Variants in DMXL1 observed in about 807,000 individuals in gnomAD.
DMXL1 encodes dmX-like protein 1.
DMXL1 carries 99 observed loss-of-function variants against 319.2 expected under a neutral mutation model. The ratio of observed to expected loss-of-function variants is 0.31; its 90% CI spans 0.26 to 0.37. The LOEUF is 0.37. Ranked by LOEUF, DMXL1 falls within the 10% of genes least tolerant of loss-of-function variation. The pLI, the probability that DMXL1 is intolerant of heterozygous loss-of-function variation, is 1.00. For missense variants in DMXL1, 3,745 were observed against 3,595.6 expected (o/e 1.04, Z -1.06); for synonymous variants, 1,385 against 1,235.2 (o/e 1.12, Z -2.54).
chr5:119,173,783 T>TATATATATATATATATATATA (rs1775209942), intron 25 of DMXL1, among the ~76,000 whole-genome samples: 1 of 120,682 alleles, frequency 8.3e-6, no homozygotes, highest in African/African-American at 3.1e-5. Flanking sequence ...TGTGTATATA[T>TATATATATATATATATATATA]ATATATATAT....
At chr5:119,187,589 A>G (rs1258333911) in intron 28 of DMXL1, among the ~76,000 whole-genome samples, 1 of 152,206 alleles carries the variant, frequency 6.6e-6, no homozygotes, top group Non-Finnish European at 1.5e-5. Flanking sequence ...TAAAGCATCT[A>G]AAGTAATACA....
chr5:119,086,762 A>G (rs1753465055), intron 1 of DMXL1, among the ~76,000 whole-genome samples: 1 of 150,704 alleles, frequency 6.6e-6, no homozygotes, highest in Admixed American at 6.6e-5. Flanking sequence ...TTTTTTTTGA[A>G]GAGTTTGAGT....
chr5:119,154,869 A>C (rs1024174189), intron 19 of DMXL1, among the ~76,000 whole-genome samples: 11 of 152,222 alleles, frequency 7.2e-5, no homozygotes, highest in African/African-American at 2.7e-4. Context: ...GTTAGGGGCT[A>C]ATGCAGCTGG....
intron 28 of DMXL1, among the ~76,000 whole-genome samples, chr5:119,188,220 GT>G (rs35820347): frequency 3.3e-5 from 5 of 150,240 alleles, no homozygotes; most frequent in African/African-American, 1.2e-4. Flanking sequence ...CATTGTACGT[GT>G]TTTTTTTTCA....
At chr5:119,163,118 CTTA>C (rs1321756385) in intron 19 of DMXL1, among the ~76,000 whole-genome samples, 1 of 152,032 alleles carries the variant, frequency 6.6e-6, no homozygotes, top group Non-Finnish European at 1.5e-5. Flanking sequence ...ATACAAATAT[CTTA>C]TTAATATGGT....
chr5:119,144,119 A>G (rs1398242325), intron 14 of DMXL1, among the ~76,000 whole-genome samples, 189 bp downstream of exon 14: 2 of 151,834 alleles, frequency 1.3e-5, no homozygotes. Flanking sequence ...CTAGAAAACA[A>G]ATTATCCTCA....
At chr5:119,171,735 CT>C (rs1202596361) in intron 24 of DMXL1, 42 bp from the exon 25 acceptor site, 12 of 1,496,116 alleles carry the variant, frequency 8.0e-6, no homozygotes, top group Admixed American at 2.0e-5. Flanking sequence ...TGGTTTGTAA[CT>C]GTAAATAGTT....
chr5:119,144,350 T>C (rs1195809018), intron 14 of DMXL1, among the ~76,000 whole-genome samples, 186 bp from the exon 15 acceptor site: 2 of 151,834 alleles, frequency 1.3e-5, no homozygotes, highest in Non-Finnish European at 3.0e-5. Flanking sequence ...AAGCAAATCA[T>C]CTTGACCTAA....
intron 32 of DMXL1, among the ~76,000 whole-genome samples, chr5:119,201,113 G>T (rs1004542659): frequency 6.6e-6 from 1 of 152,118 alleles, no homozygotes; most frequent in Non-Finnish European, 1.5e-5. Context: ...GGTTGAATAG[G>T]AGTGGTGAGA....
chr5:119,189,821 T>G lies in DMXL1; in HGVS notation c.7249T>G (p.Ser2417Ala). 6.2e-7 allele frequency: 1 copy of G among 1,614,016 alleles called. No individual in the cohort carries two copies. The highest frequency in any genetic ancestry group is 8.5e-7 in the Non-Finnish European group (1 of 1,179,966). ...TPSSAPVSQE[S>A]LAVKEKFIPP... is the part of the protein sequence containing the mutation. ...TTCCTCGGCACCAGTAAGCCAGGAG[T>G]CACTGGCGGTTAAAGAAAAGTTCAT... The change falls in exon 29 of 44, where the codon TCA (serine) becomes GCA (alanine). Residue 2417 changes from serine to alanine, a missense_variant. By Grantham distance (99) the Ser-to-Ala change is moderately conservative (BLOSUM62 1). Around this residue, in one of 4 missense-constraint regions of DMXL1, gnomAD observed 1,382 missense variants for 1,269.5 expected, o/e 1.09. Coordinates refer to ENST00000539542, the MANE Select transcript of DMXL1 (RefSeq NM_001290321.3).
Position 119,197,972 on chromosome 5 carries a change from A to G in DMXL1, c.7745+16A>G. On this transcript the variant is annotated intron_variant, in intron 32 of 43. Coordinates refer to ENST00000539542, the MANE Select transcript of DMXL1 (RefSeq NM_001290321.3). ...CTCCTTTCAAGTAGGTTTTCTTATG[A>G]ATGCTATTTGGGTTTTTTTGTTTGT... is the stretch of plus-strand genomic sequence containing the variant. 4 of 1,613,012 alleles carry G rather than the reference A, an allele frequency of 2.5e-6. No individual in the cohort carries two copies. The highest frequency in any genetic ancestry group is 3.4e-6 in the Non-Finnish European group (4 of 1,179,266).
In DMXL1 at chr5:119,133,738, A is replaced by G. The variant is rs555459817; in HGVS notation, c.1814A>G (p.Asp605Gly). 1.9e-6 allele frequency: 3 copies of G among 1,614,208 alleles called. No individual in the cohort carries two copies. Among genetic ancestry groups the G allele is most frequent in the South Asian group, 1.1e-5 (1 of 91,082 alleles). Residue 605 changes from aspartate to glycine, a missense_variant, in exon 12 of 44, where the codon GAT (aspartate) becomes GGT (glycine). Asp to Gly is a moderately conservative substitution (Grantham distance 94). Around this residue, in one of 4 missense-constraint regions of DMXL1, gnomAD observed 2,096 missense variants for 1,985.4 expected, o/e 1.06. Coordinates refer to ENST00000539542, the MANE Select transcript of DMXL1 (RefSeq NM_001290321.3). ...GTTATGATGATATCAAAACATGCTGATGGTTCTCTGAATCAGTGGCTGGTC... is the reference window on the plus strand; with the variant it reads ...GTTATGATGATATCAAAACATGCTGGTGGTTCTCTGAATCAGTGGCTGGTC... The part of the protein sequence containing the change: ...PNVMMISKHA[D>G]GSLNQWLVSF...
chr5:119,209,455 T>C (rs1001088898), intron 34 of DMXL1, among the ~76,000 whole-genome samples: 1 of 151,946 alleles, frequency 6.6e-6, no homozygotes, highest in Non-Finnish European at 1.5e-5. Context: ...GCTCAAGCAG[T>C]TCTCTTGCCT....
chr5:119,238,162 T>C (rs1788101123), intron 40 of DMXL1, among the ~76,000 whole-genome samples: 1 of 152,068 alleles, frequency 6.6e-6, no homozygotes, highest in African/African-American at 2.4e-5. Flanking sequence ...TTTTTAACTT[T>C]TAAAAAAATG....
chr5:119,222,692 G>C (rs1445044892), intron 37 of DMXL1, among the ~76,000 whole-genome samples: 2 of 152,096 alleles, frequency 1.3e-5, no homozygotes, highest in Admixed American at 1.3e-4. Flanking sequence ...AAAAATTTCA[G>C]ATTTCCCAAT....
chr5:119,127,506 AT>A (rs1763869386), intron 9 of DMXL1, among the ~76,000 whole-genome samples: 6 of 152,172 alleles, frequency 3.9e-5, no homozygotes, highest in Non-Finnish European at 7.3e-5. Flanking sequence ...GCAGTGACCG[AT>A]AGCTCACTGC....
At chr5:119,100,776 T>C (rs889915144) in intron 2 of DMXL1, 17 of 128,880 alleles carry the variant, frequency 1.3e-4, no homozygotes, top group South Asian at 5.8e-4. Flanking sequence ...TTTTCTTTTT[T>C]TTTTTTTTTT....
In DMXL1 at chr5:119,147,233, T is replaced by C. The variant is rs1379082099; in HGVS notation, c.2690-16T>C. 6.2e-7 allele frequency: 1 copy of C among 1,605,780 alleles called. No homozygotes were observed. The highest frequency in any genetic ancestry group is 8.5e-7 in the Non-Finnish European group (1 of 1,174,842). On this transcript the variant is annotated splice_polypyrimidine_tract_variant and intron_variant, in intron 16 of 43. Transcript: ENST00000539542. ...TCCCCTGCCTCAGTTTTTGGTTCTT[T>C]TCTTATGTTTTGTAGATGAAAAAGT... is the stretch of plus-strand genomic sequence containing the variant.
intron 4 of DMXL1, among the ~76,000 whole-genome samples, chr5:119,108,972 T>C (rs994824774): frequency 2.6e-5 from 4 of 151,998 alleles, no homozygotes; most frequent in African/African-American, 9.7e-5. Context: ...CGGCTAATTT[T>C]GTATTTTTAG....
Sources: gnomAD v4.1 joint callset for allele counts (sites outside exome capture counted in the v4.1 genomes callset) on GRCh38, gnomAD v4.1.1 for gene constraint, gnomAD v4.1.1 regional missense constraint, MANE v1.5 for transcripts, NCBI Gene and HGNC (gene_info 2026-07-23, HGNC 2026-07-21) for gene names.